The following BATF3 variants were observed in gnomAD, a reference collection of about 807,000 sequenced individuals.
The protein encoded by BATF3 is basic leucine zipper transcriptional factor ATF-like 3.
Under a neutral mutation model 16.1 loss-of-function variants are expected in BATF3, and 8 were observed. The ratio of observed to expected loss-of-function variants is 0.50; its 90% CI spans 0.29 to 0.90. The LOEUF (loss-of-function observed/expected upper bound fraction) is 0.90. BATF3 is among the 40% of genes least tolerant of loss of function. The probability of loss-of-function intolerance (pLI) is 0.08; values close to 1 mark genes in which losing one functional copy is unlikely to be tolerated. For missense variants in BATF3, 139 were observed against 167.0 expected (o/e 0.83, Z 0.92); for synonymous variants, 74 against 72.7 (o/e 1.02, Z -0.09).
intron 2 of BATF3, among the ~76,000 whole-genome samples, chr1:212,693,726 C>T (rs891369821): frequency 2.0e-5 from 3 of 152,150 alleles, no homozygotes; most frequent in Admixed American, 1.3e-4. Flanking sequence ...CTCTGAAGTT[C>T]CCAGGCACCT....
At position 212,699,536 on chromosome 1, in the gene BATF3, C is replaced by G. The variant is rs1434220094; in HGVS notation, c.90+137G>C. The G allele has an allele frequency of 1.2e-5, 7 of 588,606 alleles. No homozygotes were observed. Among genetic ancestry groups the G allele is most frequent in the Non-Finnish European group, 1.7e-5 (7 of 405,206 alleles). 36.5% of individuals were successfully genotyped at this position (588,606 alleles called of 1,614,324 possible). Reference sequence around the variant, plus strand: ...CCCCAACATCCCTACGCCCCTACCTCTGCTTGTCTCCGGCCGCACCCGCCA... The same window carrying G: ...CCCCAACATCCCTACGCCCCTACCTGTGCTTGTCTCCGGCCGCACCCGCCA... On this transcript the variant is annotated intron_variant, in intron 1 of 2. Coordinates refer to ENST00000243440, the MANE Select transcript of BATF3 (RefSeq NM_018664.3). The surrounding 1 kb of genome is among the most constrained non-coding windows in gnomAD (Gnocchi z 4.4).
chr1:212,686,868 G>A lies in BATF3; in HGVS notation c.307C>T (p.Pro103Ser). Residue 103 changes from proline to serine, a missense_variant, in exon 3 of 3, where the codon CCG becomes TCG. Pro to Ser is a moderately conservative substitution (Grantham distance 74, BLOSUM62 -1). Transcript: ENST00000243440. Reference sequence around the variant, plus strand: ...AAGTTCATAGGGCAGAGCAGCAGCGGGCACATCTTCTCGTGCTCCTTCAGT... The same window carrying A: ...AAGTTCATAGGGCAGAGCAGCAGCGAGCACATCTTCTCGTGCTCCTTCAGT... The part of the protein sequence containing the change: ...EALKEHEKMC[P>S]LLLCPMNFVP... The A allele has an allele frequency of 6.2e-7, 1 of 1,614,164 alleles. No individual in the cohort carries two copies.
At chr1:212,693,730 G>A (rs1258005522) in intron 2 of BATF3, among the ~76,000 whole-genome samples, 2 of 152,206 alleles carry the variant, frequency 1.3e-5, no homozygotes, top group Non-Finnish European at 2.9e-5. Context: ...GAAGTTCCCA[G>A]GCACCTGGTT....
At chr1:212,687,319 A>C in intron 2 of BATF3, 7 of 264,640 alleles carry the variant, frequency 2.6e-5, no homozygotes, top group East Asian at 7.9e-5. Flanking sequence ...GTCCCCCCAA[A>C]TGCTGATGTG....
Position 212,686,650 on chromosome 1 carries a change from G to C in BATF3, c.*141C>G. 7.3e-7 allele frequency: 1 copy of C among 1,374,594 alleles called. No homozygotes were observed. The allele number at this position is 1,374,594 out of a possible 1,614,324, so 85.1% of individuals were successfully genotyped here. On this transcript the variant is annotated 3_prime_UTR_variant, in exon 3 of 3. Transcript: ENST00000243440. Reference sequence around the variant, plus strand: ...TGTCGGGCTGAGCCCAGTCTGCAGGGAACACAGCTGGCTGGTCCTGGAGCT... The same window carrying C: ...TGTCGGGCTGAGCCCAGTCTGCAGGCAACACAGCTGGCTGGTCCTGGAGCT...
At chr1:212,697,272 C>A in intron 1 of BATF3, 1 of 497,092 alleles carries the variant, frequency 2.0e-6, no homozygotes, top group South Asian at 2.8e-5. Context: ...GTGTGACCGC[C>A]GTTTAAAAGA....
At position 212,686,552 on chromosome 1, in the gene BATF3, T is replaced by G; in HGVS notation, c.*239A>C. The G allele has an allele frequency of 1.8e-6, 1 of 541,264 alleles. No homozygotes were observed. The highest frequency in any genetic ancestry group is 3.2e-6 in the Non-Finnish European group (1 of 312,004). The allele number at this position is 541,264 out of a possible 1,614,324, so 33.5% of individuals were successfully genotyped here. A position where few individuals can be genotyped will look rare whatever the true frequency, so the allele number is the denominator to read the frequency against. On this transcript the variant is annotated 3_prime_UTR_variant, in exon 3 of 3. Coordinates refer to ENST00000243440, the MANE Select transcript of BATF3 (RefSeq NM_018664.3). ...AGAACCTACTAGCTGCCAGGGTGGATGAGAAGTCACTCCTGAGGGTGGCCT... is the reference window on the plus strand; with the variant it reads ...AGAACCTACTAGCTGCCAGGGTGGAGGAGAAGTCACTCCTGAGGGTGGCCT...
At chr1:212,696,421 A>AGG (rs1433443190) in intron 2 of BATF3, among the ~76,000 whole-genome samples, 5 of 115,326 alleles carry the variant, frequency 4.3e-5, no homozygotes, top group African/African-American at 8.9e-5. Flanking sequence ...CAGTTTCTGT[A>AGG]GGGTGTGTGT....
At chr1:212,692,476 T>C (rs927025663) in intron 2 of BATF3, among the ~76,000 whole-genome samples, 2 of 152,128 alleles carry the variant, frequency 1.3e-5, no homozygotes. Flanking sequence ...AAACTCTTGT[T>C]GCCCAGGCTG....
At chr1:212,687,714 C>A (rs1378038532) in intron 2 of BATF3, among the ~76,000 whole-genome samples, 1 of 151,938 alleles carries the variant, frequency 6.6e-6, no homozygotes, top group Non-Finnish European at 1.5e-5. Context: ...TCACTTAAGG[C>A]CAGGAGTTTG....
chr1:212,699,832 C>G lies in BATF3; in HGVS notation c.-70G>C. Reference sequence around the variant, plus strand: ...CCCTGCCCGTGGGGCTGCCTACGGGCGCTGTCCCGCCGCCGGCATCCTCGT... The same window carrying G: ...CCCTGCCCGTGGGGCTGCCTACGGGGGCTGTCCCGCCGCCGGCATCCTCGT... On this transcript the variant is annotated 5_prime_UTR_variant, in exon 1 of 3. Coordinates refer to ENST00000243440, the MANE Select transcript of BATF3 (RefSeq NM_018664.3). This position sits in a 1 kb window ranked among gnomAD's most constrained non-coding sequence, Gnocchi z 4.4. The G allele has an allele frequency of 1.1e-6, 1 of 934,632 alleles. No individual in the cohort carries two copies. The highest frequency in any genetic ancestry group is 1.3e-6 in the Non-Finnish European group (1 of 781,308). 57.9% of individuals were successfully genotyped at this position (934,632 alleles called of 1,614,324 possible). A position where few individuals can be genotyped will look rare whatever the true frequency, so the allele number is the denominator to read the frequency against.
chr1:212,692,018 C>T (rs1657010591), intron 2 of BATF3, among the ~76,000 whole-genome samples: 1 of 152,240 alleles, frequency 6.6e-6, no homozygotes, highest in Non-Finnish European at 1.5e-5. Context: ...TTCTCATCAC[C>T]GTAGTCCAAC....
chr1:212,687,760 T>TA (rs1210871661), intron 2 of BATF3, among the ~76,000 whole-genome samples: 1 of 151,680 alleles, frequency 6.6e-6, no homozygotes, highest in Non-Finnish European at 1.5e-5. Flanking sequence ...ACCCCATCTC[T>TA]AAAAAAATTT....
In BATF3 at chr1:212,689,796, C is replaced by G. The variant is rs1213541470; in HGVS notation, c.196-2817G>C. Among the ~76,000 whole-genome samples, 1 of 151,472 alleles carries G rather than the reference C, an allele frequency of 6.6e-6. No homozygotes were observed. On this transcript the variant is annotated intron_variant, in intron 2 of 2. Transcript: ENST00000243440. The surrounding 1 kb of genome is among the most constrained non-coding windows in gnomAD (Gnocchi z 4.6). ...ACGTCCGCAAACACACTCACACACTCTCATACACAGCCCGACACACACACT... is the reference window on the plus strand; with the variant it reads ...ACGTCCGCAAACACACTCACACACTGTCATACACAGCCCGACACACACACT...
rs180915825 is a variant in BATF3 at position 212,692,177 on chromosome 1, C to A, written c.195+4784G>T. On this transcript the variant is annotated intron_variant, in intron 2 of 2. Coordinates refer to ENST00000243440, the MANE Select transcript of BATF3 (RefSeq NM_018664.3). ...CTCCTAGGACTTTGGAGATGGAGAACAAGGAGGGGAGGGAGGTGGCCGAAA... is the reference window on the plus strand; with the variant it reads ...CTCCTAGGACTTTGGAGATGGAGAAAAAGGAGGGGAGGGAGGTGGCCGAAA... 1.1e-3 allele frequency among the ~76,000 whole-genome samples: 164 copies of A among 152,198 alleles called. 1 individual carries two copies. The highest frequency in any genetic ancestry group is 3.4e-3 in the African/African-American group (142 of 41,520).
At position 212,689,810 on chromosome 1, in the gene BATF3, G is replaced by A. The variant is rs988228826; in HGVS notation, c.196-2831C>T. Among the ~76,000 whole-genome samples the A allele has an allele frequency of 2.0e-5, 3 of 146,762 alleles. No individual in the cohort carries two copies. Among genetic ancestry groups the A allele is most frequent in the Admixed American group, 6.8e-5 (1 of 14,792 alleles). On this transcript the variant is annotated intron_variant, in intron 2 of 2. Transcript: ENST00000243440. This position sits in a 1 kb window ranked among gnomAD's most constrained non-coding sequence, Gnocchi z 4.6. Reference sequence around the variant, plus strand: ...ACTCACACACTCTCATACACAGCCCGACACACACACTCTCACACACACACA... The same window carrying A: ...ACTCACACACTCTCATACACAGCCCAACACACACACTCTCACACACACACA...
Position 212,686,609 on chromosome 1 carries a change from T to G in BATF3, c.*182A>C. 2 of 1,004,270 alleles carry G rather than the reference T, an allele frequency of 2.0e-6. No individual in the cohort carries two copies. Among genetic ancestry groups the G allele is most frequent in the Non-Finnish European group, 2.8e-6 (2 of 711,152 alleles). 62.2% of individuals were successfully genotyped at this position (1,004,270 alleles called of 1,614,324 possible). A position where few individuals can be genotyped will look rare whatever the true frequency, so the allele number is the denominator to read the frequency against. ...TGGATCTGCACAAGGGCTCTGTGAG[T>G]TTGGCGCCTGTTGGATGTCGGGCTG... On this transcript the variant is annotated 3_prime_UTR_variant, in exon 3 of 3. Transcript: ENST00000243440.
intron 2 of BATF3, among the ~76,000 whole-genome samples, chr1:212,694,761 G>A (rs983028284): frequency 1.3e-5 from 2 of 152,140 alleles, no homozygotes; most frequent in African/African-American, 2.4e-5. Context: ...GGAGGCAAAG[G>A]GCATTGCCGT....
In BATF3 at chr1:212,686,976, A is replaced by G; in HGVS notation, c.199T>C (p.Tyr67His). 1 of 1,582,732 alleles carries G rather than the reference A, an allele frequency of 6.3e-7. No individual in the cohort carries two copies. The highest frequency in any genetic ancestry group is 8.7e-7 in the Non-Finnish European group (1 of 1,151,500). ...TQKADKLHEE[Y>H]ESLEQENTML... Reference sequence around the variant, plus strand: ...GTGTTTTCTTGCTCCAGGCTCTCATATTCCTGGGGGAGACAGAATGGGCAA... The same window carrying G: ...GTGTTTTCTTGCTCCAGGCTCTCATGTTCCTGGGGGAGACAGAATGGGCAA... The change falls in exon 3 of 3, where the codon TAT (tyrosine) becomes CAT (histidine). Residue 67 changes from tyrosine to histidine, a missense_variant. Tyr to His is a moderately conservative substitution (Grantham distance 83). Coordinates refer to ENST00000243440, the MANE Select transcript of BATF3 (RefSeq NM_018664.3).
Sources: gnomAD v4.1 joint callset for allele counts (sites outside exome capture counted in the v4.1 genomes callset) on GRCh38, gnomAD v4.1.1 for gene constraint, Gnocchi (gnomAD v3.1) non-coding constraint, MANE v1.5 for transcripts, NCBI Gene and HGNC (gene_info 2026-07-23, HGNC 2026-07-21) for gene names.